Variants in TRPM3 observed in about 807,000 individuals in gnomAD.
TRPM3 encodes transient receptor potential cation channel subfamily M member 3, also known as long transient receptor potential channel 3.
A neutral mutation model predicts 181.2 loss-of-function variants in TRPM3; 77 were observed. That is an observed-to-expected ratio of 0.42 (90% CI 0.35 to 0.51). The LOEUF is 0.51. TRPM3 is among the 20% of genes least tolerant of loss of function. The pLI is 0.01. For missense variants in TRPM3, 1,759 were observed against 2,196.7 expected (o/e 0.80, Z 3.98); for synonymous variants, 745 against 796.4 (o/e 0.94, Z 1.09).
At chr9:71,060,996 G>T (rs1257044785) in intron 1 of TRPM3, among the ~76,000 whole-genome samples, 1 of 152,066 alleles carries the variant, frequency 6.6e-6, no homozygotes, top group Non-Finnish European at 1.5e-5. Context: ...AAAAAAGTGG[G>T]TCTTTATATC....
At chr9:70,741,417 T>C (rs1486374041) in intron 8 of TRPM3, among the ~76,000 whole-genome samples, 1 of 152,180 alleles carries the variant, frequency 6.6e-6, no homozygotes, top group Admixed American at 6.5e-5. Context: ...CTGTGGATAT[T>C]CCTTAAAGAA....
intron 1 of TRPM3, among the ~76,000 whole-genome samples, chr9:70,916,560 T>G (rs943782642): frequency 2.0e-5 from 3 of 152,116 alleles, no homozygotes; most frequent in Non-Finnish European, 4.4e-5. Flanking sequence ...CCATTTTTAT[T>G]TACTCACTCA....
chr9:71,210,247 G>A (rs1379830971), intron 1 of TRPM3, among the ~76,000 whole-genome samples: 2 of 152,168 alleles, frequency 1.3e-5, no homozygotes, highest in Non-Finnish European at 1.5e-5. Context: ...AATGCCTGAT[G>A]ATCTGTCACT....
chr9:71,353,541 C>T (rs1252935148), intron 1 of TRPM3, among the ~76,000 whole-genome samples: 1 of 152,262 alleles, frequency 6.6e-6, no homozygotes, highest in East Asian at 1.9e-4. Context: ...ACCTGTGTTG[C>T]CTAGGGCGAA....
chr9:71,044,249 C>G (rs555009366), intron 1 of TRPM3, among the ~76,000 whole-genome samples: 3 of 152,108 alleles, frequency 2.0e-5, no homozygotes, highest in Non-Finnish European at 4.4e-5. Flanking sequence ...TCTCTATGTT[C>G]CATGGACTCT....
intron 1 of TRPM3, among the ~76,000 whole-genome samples, chr9:70,960,149 T>G (rs1590093796): frequency 6.6e-6 from 1 of 151,896 alleles, no homozygotes; most frequent in East Asian, 1.9e-4. Flanking sequence ...AACACCTGTG[T>G]GGAGACATAG....
At chr9:71,233,619 G>T (rs1170148357) in intron 1 of TRPM3, among the ~76,000 whole-genome samples, 2 of 152,134 alleles carry the variant, frequency 1.3e-5, no homozygotes, top group Non-Finnish European at 2.9e-5. Flanking sequence ...CTAGGAAACT[G>T]CAGGAAAAAC....
At chr9:70,586,434 T>C (rs889088617) in intron 22 of TRPM3, among the ~76,000 whole-genome samples, 1 of 152,216 alleles carries the variant, frequency 6.6e-6, no homozygotes, top group Non-Finnish European at 1.5e-5. Flanking sequence ...TGTAAATCCA[T>C]TAAGCCTCAG....
At chr9:71,351,978 C>T (rs891968368) in intron 1 of TRPM3, among the ~76,000 whole-genome samples, 1 of 150,828 alleles carries the variant, frequency 6.6e-6, no homozygotes, top group Non-Finnish European at 1.5e-5. Context: ...TGGGTTCACA[C>T]CATTCTCCTG....
intron 1 of TRPM3, among the ~76,000 whole-genome samples, chr9:71,423,812 T>C (rs1448945673): frequency 1.3e-5 from 2 of 152,062 alleles, no homozygotes; most frequent in African/African-American, 4.8e-5. Flanking sequence ...CAAAAGTTCC[T>C]CCCCGGAGAT....
intron 22 of TRPM3, among the ~76,000 whole-genome samples, chr9:70,575,216 G>A (rs2053624335): frequency 2.0e-5 from 3 of 151,054 alleles, no homozygotes; most frequent in Admixed American, 6.6e-5. Flanking sequence ...GAACATAAAT[G>A]GAGCAGAGAA....
intron 1 of TRPM3, among the ~76,000 whole-genome samples, chr9:71,270,940 C>T (rs938012686): frequency 6.6e-6 from 1 of 152,180 alleles, no homozygotes; most frequent in Non-Finnish European, 1.5e-5. Context: ...TGTTTGGGTG[C>T]ACCATCTTGG....
intron 1 of TRPM3, among the ~76,000 whole-genome samples, chr9:71,437,864 G>GA (rs35701065): frequency 4.8e-4 from 56 of 116,366 alleles, no homozygotes; most frequent in East Asian, 1.0e-3. Context: ...CGAAACTCCG[G>GA]AAAAAAAAAA....
intron 1 of TRPM3, among the ~76,000 whole-genome samples, chr9:70,943,567 A>C (rs1308435046): frequency 6.6e-6 from 1 of 152,162 alleles, no homozygotes; most frequent in Non-Finnish European, 1.5e-5. Flanking sequence ...TCCTCTTAAC[A>C]CACGACTAAC....
intron 1 of TRPM3, among the ~76,000 whole-genome samples, chr9:71,192,513 A>G (rs1315619720): frequency 6.6e-6 from 1 of 151,886 alleles, no homozygotes; most frequent in Non-Finnish European, 1.5e-5. Context: ...ATGATTAGTG[A>G]TGTTGAGCAT....
At chr9:71,031,963 AT>A (rs372414119) in intron 1 of TRPM3, among the ~76,000 whole-genome samples, 58,680 of 63,524 alleles carry the variant, frequency 0.92, 27,207 homozygotes, top group East Asian at 1. Context: ...ATATAATTAT[AT>A]ATATATATTA....
chr9:70,980,067 G>GCGCACACACACACACACACA (rs142852346), intron 1 of TRPM3, among the ~76,000 whole-genome samples: 3 of 137,888 alleles, frequency 2.2e-5, no homozygotes, highest in Admixed American at 7.3e-5. Context: ...GCATGTGCGT[G>GCGCACACACACACACACACA]CACACACACA....
At position 71,031,997 on chromosome 9, in the gene TRPM3, A is replaced by G. The variant is rs1199459503; in HGVS notation, c.177+89181T>C. Among the ~76,000 whole-genome samples the G allele has an allele frequency of 5.5e-3, 40 of 7,240 alleles. 1 individual carries two copies. The highest frequency in any genetic ancestry group is 0.015 in the Admixed American group (4 of 268). The allele number at this position is 7,240 out of a possible 152,430, so 4.7% of individuals were successfully genotyped here. On this transcript the variant is annotated intron_variant, in intron 1 of 25. Coordinates refer to ENST00000677713, the MANE Select transcript of TRPM3 (RefSeq NM_001366145.2). ...TTATATATATATATATTATATATATATAATTATATAATATATAATATATAT... is the reference window on the plus strand; with the variant it reads ...TTATATATATATATATTATATATATGTAATTATATAATATATAATATATAT...
At chr9:70,895,222 T>C (rs1241978043) in intron 1 of TRPM3, among the ~76,000 whole-genome samples, 2 of 152,316 alleles carry the variant, frequency 1.3e-5, no homozygotes, top group East Asian at 1.9e-4. Flanking sequence ...AATTCTCAAA[T>C]ATACACAGCT....
Sources: gnomAD v4.1 joint callset for allele counts (sites outside exome capture counted in the v4.1 genomes callset) on GRCh38, gnomAD v4.1.1 for gene constraint, MANE v1.5 for transcripts, NCBI Gene and HGNC (gene_info 2026-07-23, HGNC 2026-07-21) for gene names.